TMEM41B: variants seen among roughly 807,000 people sequenced by gnomAD.
TMEM41B encodes protein stasimon.
In TMEM41B, 18 loss-of-function variants were observed where a neutral mutation model predicts 31.9. The observed-to-expected ratio is 0.56, with a 90% CI of 0.39 to 0.84. The LOEUF is 0.84. Ranked by LOEUF, TMEM41B falls within the 40% of genes least tolerant of loss-of-function variation. The pLI, the probability that TMEM41B is intolerant of heterozygous loss-of-function variation, is 0.00. For missense variants in TMEM41B, 322 were observed against 348.0 expected (o/e 0.93, Z 0.59); for synonymous variants, 144 against 124.3 (o/e 1.16, Z -1.05).
Position 9,280,659 on chromosome 11 carries a change from G to A in TMEM41B, c.*2765C>T, listed in dbSNP as rs554915580. ...AATAAATCCCAAATGTGACATTTAG[G>A]TTTCTCCAATACAATTTATTATTAT... On this transcript the variant is annotated 3_prime_UTR_variant, in exon 7 of 7. Transcript: ENST00000528080. 2 of 152,234 alleles carry A rather than the reference G, an allele frequency of 1.3e-5. No individual in the cohort carries two copies. The highest frequency in any genetic ancestry group is 4.8e-5 in the African/African-American group (2 of 41,538). 9.4% of individuals were successfully genotyped at this position (152,234 alleles called of 1,614,324 possible). A position where few individuals can be genotyped will look rare whatever the true frequency, so the allele number is the denominator to read the frequency against.
intron 1 of TMEM41B, among the ~76,000 whole-genome samples, chr11:9,312,031 T>C (rs1853572763): frequency 6.6e-6 from 1 of 152,216 alleles, no homozygotes; most frequent in African/African-American, 2.4e-5. Context: ...CCAAGTATCA[T>C]GGAATTTACA....
intron 1 of TMEM41B, among the ~76,000 whole-genome samples, chr11:9,301,810 G>A (rs1034740697): frequency 1.3e-5 from 2 of 152,106 alleles, no homozygotes; most frequent in African/African-American, 4.8e-5. Context: ...AAATGGTGGA[G>A]GACACAGTAA....
chr11:9,291,660 A>G (rs896697678), intron 3 of TMEM41B, among the ~76,000 whole-genome samples: 1 of 151,604 alleles, frequency 6.6e-6, no homozygotes, highest in African/African-American at 2.4e-5. Flanking sequence ...TTGGCCTCCC[A>G]AAGTGCTGGG....
intron 1 of TMEM41B, among the ~76,000 whole-genome samples, chr11:9,305,838 T>C (rs919472626): frequency 5.3e-5 from 8 of 152,088 alleles, no homozygotes; most frequent in African/African-American, 1.7e-4. Flanking sequence ...TTTTTTTTTC[T>C]TTTTGGTAGA....
rs1343719278 is a variant in TMEM41B, at chr11:9,282,050, A to G, written c.*1374T>C. On this transcript the variant is annotated 3_prime_UTR_variant, in exon 7 of 7. Coordinates refer to ENST00000528080, the MANE Select transcript of TMEM41B (RefSeq NM_015012.4). ...TGCTTTTTAGAGCCCCTTGTGGGATATTAAAGAGCCATAACAAATTATCTG... is the reference window on the plus strand; with the variant it reads ...TGCTTTTTAGAGCCCCTTGTGGGATGTTAAAGAGCCATAACAAATTATCTG... 6.6e-6 allele frequency: 1 copy of G among 152,184 alleles called. No individual in the cohort carries two copies. The highest frequency in any genetic ancestry group is 1.5e-5 in the Non-Finnish European group (1 of 68,026). The allele number at this position is 152,184 out of a possible 1,614,324, so 9.4% of individuals were successfully genotyped here. A position where few individuals can be genotyped will look rare whatever the true frequency, so the allele number is the denominator to read the frequency against.
chr11:9,293,436 T>G, intron 3 of TMEM41B, among the ~76,000 whole-genome samples: 1 of 142,750 alleles, frequency 7.0e-6, no homozygotes, highest in East Asian at 2.1e-4. Flanking sequence ...AACAAGATAC[T>G]TATGTATATG....
chr11:9,311,793 T>G, intron 1 of TMEM41B: 1 of 568,052 alleles, frequency 1.8e-6, no homozygotes, highest in South Asian at 2.2e-5. Context: ...ATCTTCATCA[T>G]GCAAAAATTA....
chr11:9,291,174 C>A (rs1002419446), intron 3 of TMEM41B, among the ~76,000 whole-genome samples: 4 of 151,802 alleles, frequency 2.6e-5, no homozygotes, highest in Non-Finnish European at 4.4e-5. Flanking sequence ...TAAATCCCAA[C>A]ACTTTGGGAG....
At position 9,282,978 on chromosome 11, in the gene TMEM41B, A is replaced by T. The variant is rs1431381249; in HGVS notation, c.*446T>A. 6.6e-6 allele frequency: 1 copy of T among 151,402 alleles called. No individual in the cohort carries two copies. Among genetic ancestry groups the T allele is most frequent in the Non-Finnish European group, 1.5e-5 (1 of 67,998 alleles). The allele number at this position is 151,402 out of a possible 1,614,324, so 9.4% of individuals were successfully genotyped here. On this transcript the variant is annotated 3_prime_UTR_variant, in exon 7 of 7. Transcript: ENST00000528080. Reference sequence around the variant, plus strand: ...AAAAAAAAAGAGGAAGAAAATGTAAATCTCTTTTTAAGTTTTCCAGTTTAT... The same window carrying T: ...AAAAAAAAAGAGGAAGAAAATGTAATTCTCTTTTTAAGTTTTCCAGTTTAT...
At chr11:9,299,173 C>A (rs1853175568) in intron 2 of TMEM41B, among the ~76,000 whole-genome samples, 1 of 150,484 alleles carries the variant, frequency 6.6e-6, no homozygotes, top group Non-Finnish European at 1.5e-5. Flanking sequence ...CCCAGCTACT[C>A]GAGAGGCTGA....
chr11:9,301,196 C>G (rs1853247345), intron 1 of TMEM41B, among the ~76,000 whole-genome samples: 1 of 151,876 alleles, frequency 6.6e-6, no homozygotes, highest in South Asian at 2.1e-4. Flanking sequence ...GAGATTGAGA[C>G]CATCCTGGCT....
At chr11:9,294,770 G>A (rs1853045135) in intron 3 of TMEM41B, among the ~76,000 whole-genome samples, 1 of 151,748 alleles carries the variant, frequency 6.6e-6, no homozygotes, top group South Asian at 2.1e-4. Context: ...CTTTGAATAA[G>A]TATCTTAAGA....
At chr11:9,300,340 C>G (rs1426610911) in intron 1 of TMEM41B, among the ~76,000 whole-genome samples, 1 of 152,104 alleles carries the variant, frequency 6.6e-6, no homozygotes, top group Non-Finnish European at 1.5e-5. Flanking sequence ...TATTTCTATA[C>G]TGGGAGCCAA....
intron 3 of TMEM41B, 178 bp downstream of exon 3, chr11:9,295,081 G>T: frequency 1.1e-6 from 1 of 894,378 alleles, no homozygotes. Flanking sequence ...AAAACAATTA[G>T]TTCAGCAAAT....
At chr11:9,301,161 C>T (rs1463748929) in intron 1 of TMEM41B, among the ~76,000 whole-genome samples, 2 of 151,932 alleles carry the variant, frequency 1.3e-5, no homozygotes, top group Non-Finnish European at 2.9e-5. Context: ...TTTGGGAGGC[C>T]GAGGTGGGCG....
intron 4 of TMEM41B, 40 bp downstream of exon 4, chr11:9,288,402 T>C (rs568393747): frequency 5.9e-6 from 8 of 1,364,400 alleles, no homozygotes; most frequent in African/African-American, 1.5e-5. Flanking sequence ...CATCATTCTA[T>C]TGTTTTTTCA....
chr11:9,285,088 C>CTTTTT (rs11405419), intron 6 of TMEM41B, among the ~76,000 whole-genome samples: 3 of 131,206 alleles, frequency 2.3e-5, no homozygotes, highest in East Asian at 2.2e-4. Context: ...TTCCTTCTTT[C>CTTTTT]TTTTTTTTTT....
At chr11:9,292,528 A>ACCTTT (rs1852982404) in intron 3 of TMEM41B, among the ~76,000 whole-genome samples, 2 of 152,170 alleles carry the variant, frequency 1.3e-5, no homozygotes, top group Non-Finnish European at 2.9e-5. Flanking sequence ...GACTAAAAAC[A>ACCTTT]GTTTTAAGAT....
chr11:9,288,182 A>G, intron 4 of TMEM41B: 1 of 393,242 alleles, frequency 2.5e-6, no homozygotes, highest in Non-Finnish European at 4.5e-6. Context: ...GTGCTCACCA[A>G]CACTCCTTGG....
Sources: allele counts gnomAD v4.1 joint callset (sites outside exome capture counted in the v4.1 genomes callset), GRCh38; gene constraint gnomAD v4.1.1; transcripts MANE v1.5; gene names NCBI Gene and HGNC (gene_info 2026-07-23, HGNC 2026-07-21).